The following RBPJ variants were observed in gnomAD, a reference collection of about 807,000 sequenced individuals.
The protein encoded by RBPJ is recombination signal binding protein for immunoglobulin kappa J region.
A neutral mutation model predicts 67.8 loss-of-function variants in RBPJ; 9 were observed. The observed-to-expected ratio is 0.13, with a 90% CI of 0.08 to 0.23. The LOEUF (loss-of-function observed/expected upper bound fraction) is 0.23, where lower values mean the gene tolerates loss of function less well. Among genes scored for constraint, RBPJ ranks in the 10% least tolerant of loss-of-function variants. The pLI is 1.00. For synonymous variants in RBPJ, 198 were observed against 203.3 expected, an observed-to-expected ratio of 0.97 and a Z score of 0.22; for missense variants, 305 against 595.6, an observed-to-expected ratio of 0.51 and a Z score of 5.08.
At chr4:26,210,266 G>A (rs968963485) in intron 1 of RBPJ, among the ~76,000 whole-genome samples, 4 of 152,108 alleles carry the variant, frequency 2.6e-5, no homozygotes, top group South Asian at 2.1e-4. Context: ...TGTAACTGCC[G>A]GTTCTTTCCC....
At chr4:26,348,404 A>G (rs558578019) in intron 1 of RBPJ, among the ~76,000 whole-genome samples, 1 of 152,342 alleles carries the variant, frequency 6.6e-6, no homozygotes, top group East Asian at 1.9e-4. Flanking sequence ...CTGTGAAGCC[A>G]AAGATATTAC....
intron 1 of RBPJ, among the ~76,000 whole-genome samples, chr4:26,307,426 A>G (rs1371859885): frequency 6.6e-6 from 1 of 152,214 alleles, no homozygotes; most frequent in South Asian, 2.1e-4. Context: ...TCTTTTGCCT[A>G]GATTCTGTGT....
rs60842821 is a variant in RBPJ, at chr4:26,185,140, TAA to T, written c.-167+21540_-167+21541del. Among the ~76,000 whole-genome samples, 118 of 141,262 alleles carry T rather than the reference TAA, an allele frequency of 8.4e-4. 1 individual carries two copies. The highest frequency in any genetic ancestry group is 8.7e-4 in the Non-Finnish European group (57 of 65,332). 92.7% of individuals were successfully genotyped at this position (141,262 alleles called of 152,430 possible). On this transcript the variant is annotated intron_variant, in intron 1 of 4. Transcript: ENST00000512351. ...CTAGGGGATAGAGTGAGACTCTGTCTAAAAAAAAAAAAAAAGAAAAGATAGTT... is the reference window on the plus strand; with the variant it reads ...CTAGGGGATAGAGTGAGACTCTGTCTAAAAAAAAAAAAAGAAAAGATAGTT...
At chr4:26,321,073 C>A in intron 1 of RBPJ, 25 bp downstream of exon 1, 1 of 1,570,188 alleles carries the variant, frequency 6.4e-7, no homozygotes. Context: ...ATCGGAGCGC[C>A]GGGAACCGGG....
chr4:26,327,609 A>G (rs1010617686), intron 1 of RBPJ, among the ~76,000 whole-genome samples: 6 of 131,500 alleles, frequency 4.6e-5, no homozygotes, highest in Non-Finnish European at 9.2e-5. Context: ...TTATCTGTGC[A>G]TTGTTAATGA....
intron 1 of RBPJ, among the ~76,000 whole-genome samples, chr4:26,263,762 G>A (rs986273360): frequency 4.6e-5 from 7 of 152,020 alleles, no homozygotes; most frequent in African/African-American, 1.7e-4. Context: ...AGTAAAGACG[G>A]GGTTTCACCA....
intron 1 of RBPJ, among the ~76,000 whole-genome samples, chr4:26,232,570 T>G (rs1008851593): frequency 1.3e-5 from 2 of 152,226 alleles, no homozygotes; most frequent in Non-Finnish European, 2.9e-5. Context: ...CCCATCTAAA[T>G]GCACTTGGGA....
At chr4:26,174,690 G>C (rs1033463306) in intron 1 of RBPJ, among the ~76,000 whole-genome samples, 2 of 151,968 alleles carry the variant, frequency 1.3e-5, no homozygotes, top group Non-Finnish European at 2.9e-5. Flanking sequence ...GGCTGGTCTC[G>C]AACTCCTGAC....
intron 1 of RBPJ, among the ~76,000 whole-genome samples, chr4:26,210,751 C>CTTTCCTTCTTTA (rs371352569): frequency 4.7e-5 from 5 of 105,574 alleles, no homozygotes; most frequent in African/African-American, 1.9e-4. Context: ...TTCCTTCTTT[C>CTTTCCTTCTTTA]CTTCTTTCTT....
intron 1 of RBPJ, among the ~76,000 whole-genome samples, chr4:26,171,461 G>A (rs1454516195): frequency 2.0e-5 from 3 of 152,170 alleles, no homozygotes; most frequent in Non-Finnish European, 4.4e-5. Context: ...CCAGCTACTT[G>A]AGAGGCTGAG....
At chr4:26,181,072 A>G (rs1277249976) in intron 1 of RBPJ, among the ~76,000 whole-genome samples, 1 of 152,118 alleles carries the variant, frequency 6.6e-6, no homozygotes, top group East Asian at 1.9e-4. Context: ...CATGACTGTG[A>G]GGCCTCCCCA....
At chr4:26,429,853 T>C (rs572042375) in intron 8 of RBPJ, 45 bp from the exon 9 acceptor site, 2 of 1,554,582 alleles carry the variant, frequency 1.3e-6, no homozygotes. Flanking sequence ...ATCCTATTAA[T>C]ACAAACTGTA....
chr4:26,119,174 G>C, the RBPJ span, among the ~76,000 whole-genome samples: 3 of 152,280 alleles, frequency 2.0e-5, no homozygotes, highest in East Asian at 5.8e-4. Flanking sequence ...GCTGCATATA[G>C]TGAAATCTCA....
intron 1 of RBPJ, among the ~76,000 whole-genome samples, chr4:26,244,386 T>C (rs1719829868): frequency 1.4e-5 from 2 of 143,650 alleles, no homozygotes; most frequent in Non-Finnish European, 1.6e-5. Context: ...CACGTGTGTG[T>C]ATATATGTAT....
chr4:26,155,351 GGACCTAA>G, the RBPJ span, among the ~76,000 whole-genome samples: 30 of 152,106 alleles, frequency 2.0e-4, no homozygotes, highest in African/African-American at 7.2e-4. Context: ...GGGAGCCAGG[GGACCTAA>G]GATTCAGCCT....
intron 1 of RBPJ, among the ~76,000 whole-genome samples, chr4:26,203,170 A>C (rs1560208881): frequency 6.6e-6 from 1 of 152,228 alleles, no homozygotes; most frequent in Non-Finnish European, 1.5e-5. Context: ...TTTACATAGT[A>C]GCCAGAATGA....
the RBPJ span, among the ~76,000 whole-genome samples, chr4:26,127,847 T>A: frequency 2.6e-5 from 4 of 152,236 alleles, no homozygotes; most frequent in Admixed American, 1.3e-4. Context: ...CCACCCCATG[T>A]ACTCACTGCC....
At chr4:26,251,355 G>A (rs566777326) in intron 1 of RBPJ, among the ~76,000 whole-genome samples, 2 of 152,240 alleles carry the variant, frequency 1.3e-5, no homozygotes, top group South Asian at 4.1e-4. Context: ...AAGACTCCAG[G>A]CAGGGTGCAG....
chr4:26,276,090 C>A (rs1721071765), intron 1 of RBPJ, among the ~76,000 whole-genome samples: 1 of 150,808 alleles, frequency 6.6e-6, no homozygotes, highest in Non-Finnish European at 1.5e-5. Flanking sequence ...GCCTGGCCAA[C>A]ATGGTGAAAC....
Sources: allele counts gnomAD v4.1 joint callset (sites outside exome capture counted in the v4.1 genomes callset), GRCh38; gene constraint gnomAD v4.1.1; transcripts MANE v1.5; gene names NCBI Gene and HGNC (gene_info 2026-07-23, HGNC 2026-07-21).